SLC39A11: variants seen among roughly 807,000 people sequenced by gnomAD.
The protein encoded by SLC39A11 is solute carrier family 39 member 11.
SLC39A11 carries 33 observed loss-of-function variants against 36.1 expected under a neutral mutation model. The ratio of observed to expected loss-of-function variants is 0.91; its 90% CI spans 0.69 to 1.22. The LOEUF is 1.22. Among genes scored for constraint, SLC39A11 ranks in the 50% most tolerant of loss-of-function variants. SLC39A11 has a pLI of 0.00. For synonymous variants in SLC39A11, 166 were observed against 170.3 expected, an observed-to-expected ratio of 0.97 and a Z score of 0.20; for missense variants, 432 against 430.3, an observed-to-expected ratio of 1.00 and a Z score of -0.03.
At chr17:72,839,713 T>A (rs1245859057) in intron 6 of SLC39A11, 1 of 152,240 alleles carries the variant, frequency 6.6e-6, no homozygotes, top group Non-Finnish European at 1.5e-5. Flanking sequence ...AGGCAGTCCT[T>A]CATTCTGCTT....
In SLC39A11 at chr17:72,718,426, A is replaced by T. The variant is rs139736821; in HGVS notation, c.671+18224T>A. On this transcript the variant is annotated intron_variant, in intron 7 of 9. Coordinates refer to ENST00000255559, the MANE Select transcript of SLC39A11 (RefSeq NM_139177.4). ...TGCACCCCAGCCTGGGCAACAGAGCAAGACTCCATCTCAGGGGAAAAAAAG... is the reference window on the plus strand; with the variant it reads ...TGCACCCCAGCCTGGGCAACAGAGCTAGACTCCATCTCAGGGGAAAAAAAG... Among the ~76,000 whole-genome samples, 315 of 152,292 alleles carry T rather than the reference A, an allele frequency of 2.1e-3. 8 individuals are homozygous for T. In the East Asian group the frequency reaches 0.052, roughly 25 times the overall value.
chr17:72,914,315 CG>C (rs200098159), intron 5 of SLC39A11, among the ~76,000 whole-genome samples: 2 of 143,558 alleles, frequency 1.4e-5, no homozygotes, highest in Admixed American at 1.4e-4. Context: ...GACTCCATCT[CG>C]GGGGAAAAAA....
At chr17:72,941,433 C>T (rs560076445) in intron 5 of SLC39A11, among the ~76,000 whole-genome samples, 1 of 152,274 alleles carries the variant, frequency 6.6e-6, no homozygotes, top group East Asian at 1.9e-4. Flanking sequence ...TTAAGCCACC[C>T]GGTTTGTGGT....
At chr17:72,855,476 T>G (rs993525491) in intron 5 of SLC39A11, among the ~76,000 whole-genome samples, 1 of 152,232 alleles carries the variant, frequency 6.6e-6, no homozygotes, top group African/African-American at 2.4e-5. Flanking sequence ...ATCTGTTAAG[T>G]GCAGAAAGCA....
chr17:72,903,283 A>AAAAAAAAGAAAT (rs2082489561), intron 5 of SLC39A11, among the ~76,000 whole-genome samples: 1 of 151,578 alleles, frequency 6.6e-6, no homozygotes, highest in Non-Finnish European at 1.5e-5. Flanking sequence ...AAAAAAAAAA[A>AAAAAAAAGAAAT]AAAAAAGAAA....
At chr17:72,740,067 T>C (rs1445951098) in intron 6 of SLC39A11, among the ~76,000 whole-genome samples, 2 of 130,646 alleles carry the variant, frequency 1.5e-5, no homozygotes, top group African/African-American at 5.9e-5. Context: ...TTTTTTTTTT[T>C]TTTTTTTTTT....
intron 7 of SLC39A11, among the ~76,000 whole-genome samples, chr17:72,668,170 G>T (rs897612784): frequency 2.6e-5 from 4 of 151,420 alleles, no homozygotes; most frequent in Non-Finnish European, 5.9e-5. Flanking sequence ...AATGCTGTTT[G>T]CTATAAATAT....
At chr17:72,875,544 A>C (rs2080857441) in intron 5 of SLC39A11, among the ~76,000 whole-genome samples, 1 of 152,174 alleles carries the variant, frequency 6.6e-6, no homozygotes, top group African/African-American at 2.4e-5. Context: ...TGCTCCAACA[A>C]TCTGTCCACC....
chr17:72,773,576 G>A (rs1288397665), intron 6 of SLC39A11, among the ~76,000 whole-genome samples: 3 of 151,210 alleles, frequency 2.0e-5, no homozygotes, highest in East Asian at 1.9e-4. Context: ...TTTTCTTTAT[G>A]AATTACCCAG....
intron 6 of SLC39A11, among the ~76,000 whole-genome samples, chr17:72,754,051 TACACACACACACACACACACAC>T (rs58802713): frequency 2.8e-5 from 3 of 108,060 alleles, no homozygotes; most frequent in African/African-American, 3.9e-5. Context: ...TATATACACA[TACACACACACACACACACACAC>T]ACACACACAC....
intron 4 of SLC39A11, among the ~76,000 whole-genome samples, chr17:73,016,418 C>T (rs2058168901): frequency 6.6e-6 from 1 of 152,004 alleles, no homozygotes; most frequent in African/African-American, 2.4e-5. Flanking sequence ...ACTGCAACCT[C>T]CCCCTCCCAA....
chr17:72,743,907 G>A (rs1416875798), intron 6 of SLC39A11, among the ~76,000 whole-genome samples: 1 of 152,200 alleles, frequency 6.6e-6, no homozygotes, highest in African/African-American at 2.4e-5. Flanking sequence ...GCCTGGCCTG[G>A]GTTAGTAAGT....
chr17:72,763,687 C>T (rs900683155), intron 6 of SLC39A11, among the ~76,000 whole-genome samples: 2 of 152,186 alleles, frequency 1.3e-5, no homozygotes, highest in Non-Finnish European at 2.9e-5. Context: ...AAGTACTTAT[C>T]GAGCACCTCC....
chr17:72,682,541 C>T (rs1567941445), intron 7 of SLC39A11, among the ~76,000 whole-genome samples: 1 of 152,160 alleles, frequency 6.6e-6, no homozygotes, highest in African/African-American at 2.4e-5. Flanking sequence ...GCCCCCAAGC[C>T]CCACATTATC....
chr17:72,740,042 A>G (rs2074607058), intron 6 of SLC39A11, among the ~76,000 whole-genome samples: 1 of 129,094 alleles, frequency 7.7e-6, no homozygotes, highest in South Asian at 2.5e-4. Flanking sequence ...GCTAGATAGA[A>G]TTTCTTTCCT....
intron 7 of SLC39A11, among the ~76,000 whole-genome samples, chr17:72,657,969 A>G (rs997327796): frequency 2.0e-5 from 3 of 152,204 alleles, no homozygotes; most frequent in Non-Finnish European, 4.4e-5. Flanking sequence ...TCTCCAGCCC[A>G]GCCCTGAGTG....
At chr17:72,848,348 T>C (rs2079143977) in intron 6 of SLC39A11, among the ~76,000 whole-genome samples, 1 of 152,268 alleles carries the variant, frequency 6.6e-6, no homozygotes, top group East Asian at 1.9e-4. Context: ...TCATGTTTTC[T>C]AGTTGCTCTA....
chr17:73,004,172 A>G, intron 4 of SLC39A11, among the ~76,000 whole-genome samples: 1 of 62,782 alleles, frequency 1.6e-5, no homozygotes, highest in African/African-American at 6.8e-5. Flanking sequence ...AAAAAGAAAG[A>G]AAGAAAGAAA....
intron 7 of SLC39A11, among the ~76,000 whole-genome samples, chr17:72,667,573 G>C (rs959450784): frequency 6.6e-6 from 1 of 152,190 alleles, no homozygotes; most frequent in Non-Finnish European, 1.5e-5. Flanking sequence ...GGTGGCTGGG[G>C]ATATCATCAG....
Sources: gnomAD v4.1 joint callset for allele counts (sites outside exome capture counted in the v4.1 genomes callset) on GRCh38, gnomAD v4.1.1 for gene constraint, MANE v1.5 for transcripts, NCBI Gene and HGNC (gene_info 2026-07-23, HGNC 2026-07-21) for gene names.